The following LHFPL3 variants were observed in gnomAD, a reference collection of about 807,000 sequenced individuals.
The protein encoded by LHFPL3 is LHFPL tetraspan subfamily member 3 protein.
A neutral mutation model predicts 19.3 loss-of-function variants in LHFPL3; 5 were observed. The ratio of observed to expected loss-of-function variants is 0.26; its 90% confidence interval spans 0.14 to 0.54. The LOEUF is 0.54. LHFPL3 is among the 20% of genes least tolerant of loss of function. LHFPL3 has a pLI of 0.94. For synonymous variants in LHFPL3, 133 were observed against 126.2 expected, an observed-to-expected ratio of 1.05 and a Z score of -0.36; for missense variants, 249 against 307.4, an observed-to-expected ratio of 0.81 and a Z score of 1.42.
chr7:104,408,460 T>C (rs1001573663), intron 1 of LHFPL3, among the ~76,000 whole-genome samples: 8 of 152,144 alleles, frequency 5.3e-5, no homozygotes, highest in African/African-American at 1.9e-4. Flanking sequence ...CTATTTGGAA[T>C]AAATTTGACA....
intron 2 of LHFPL3, among the ~76,000 whole-genome samples, chr7:104,878,628 T>C (rs1791991915): frequency 1.3e-5 from 2 of 152,206 alleles, no homozygotes; most frequent in Non-Finnish European, 2.9e-5. Flanking sequence ...TTAATAAGCC[T>C]ACTTAAGTAC....
intron 1 of LHFPL3, among the ~76,000 whole-genome samples, chr7:104,721,484 C>T (rs1793491521): frequency 1.3e-5 from 2 of 152,158 alleles, no homozygotes; most frequent in African/African-American, 4.8e-5. Context: ...CACATGTATA[C>T]CTGTGTATCA....
chr7:104,624,292 G>A (rs190233098), intron 1 of LHFPL3, among the ~76,000 whole-genome samples: 4 of 152,288 alleles, frequency 2.6e-5, no homozygotes, highest in East Asian at 1.9e-4. Context: ...AGTTCTCGGC[G>A]AAGTAGTCAA....
At chr7:104,893,423 A>C (rs112945377) in intron 2 of LHFPL3, among the ~76,000 whole-genome samples, 7,420 of 152,028 alleles carry the variant, frequency 0.049, 586 homozygotes, top group African/African-American at 0.17. Context: ...CTGAAGCAGG[A>C]GAATCGCTTG....
chr7:104,547,892 T>A (rs1234041756), intron 1 of LHFPL3, among the ~76,000 whole-genome samples: 3 of 152,192 alleles, frequency 2.0e-5, no homozygotes, highest in Admixed American at 2.0e-4. Context: ...AGCTATAGTT[T>A]CAAATTTTTA....
intron 2 of LHFPL3, among the ~76,000 whole-genome samples, chr7:104,828,788 AC>A (rs1484429039): frequency 1.3e-5 from 2 of 151,922 alleles, no homozygotes; most frequent in Non-Finnish European, 2.9e-5. Context: ...TAACCCCAGC[AC>A]TTTGGGAGGC....
chr7:104,789,766 A>T (rs1170086230), intron 2 of LHFPL3, among the ~76,000 whole-genome samples: 1 of 152,152 alleles, frequency 6.6e-6, no homozygotes, highest in Non-Finnish European at 1.5e-5. Context: ...ACTGATCATT[A>T]ATATTATCAG....
chr7:104,347,840 C>T (rs1489955582), intron 1 of LHFPL3, among the ~76,000 whole-genome samples: 2 of 151,234 alleles, frequency 1.3e-5, no homozygotes, highest in East Asian at 2.0e-4. Context: ...TGCAGTGAGC[C>T]GAGATCGCCC....
intron 1 of LHFPL3, among the ~76,000 whole-genome samples, chr7:104,625,082 C>T (rs1320503149): frequency 1.3e-5 from 2 of 152,122 alleles, no homozygotes; most frequent in Admixed American, 1.3e-4. Context: ...AGGGTCTTTC[C>T]CACTTCTAAT....
intron 2 of LHFPL3, among the ~76,000 whole-genome samples, chr7:104,858,672 TTTTC>T (rs1283915243): frequency 5.9e-5 from 9 of 152,140 alleles, no homozygotes; most frequent in Non-Finnish European, 1.0e-4. Context: ...ACCTCAAATC[TTTTC>T]TTTATTTTCA....
At chr7:104,437,895 C>G (rs556745934) in intron 1 of LHFPL3, among the ~76,000 whole-genome samples, 2 of 152,266 alleles carry the variant, frequency 1.3e-5, no homozygotes, top group Admixed American at 6.5e-5. Flanking sequence ...TAACTCAATA[C>G]TTAACCTTTC....
chr7:104,390,393 T>C (rs1791041780), intron 1 of LHFPL3, among the ~76,000 whole-genome samples: 1 of 151,010 alleles, frequency 6.6e-6, no homozygotes, highest in African/African-American at 2.4e-5. Flanking sequence ...TGTGTCCAAG[T>C]GTTCTCATTG....
At chr7:104,583,150 G>A (rs1479594327) in intron 1 of LHFPL3, among the ~76,000 whole-genome samples, 1 of 151,740 alleles carries the variant, frequency 6.6e-6, no homozygotes, top group Non-Finnish European at 1.5e-5. Context: ...CCTCAGAAAT[G>A]ATGTCACATA....
chr7:104,520,299 A>G (rs1794030313), intron 1 of LHFPL3, among the ~76,000 whole-genome samples: 1 of 149,914 alleles, frequency 6.7e-6, no homozygotes, highest in Middle Eastern at 3.4e-3. Context: ...GATGAAGCCC[A>G]CTTGATCATG....
intron 2 of LHFPL3, among the ~76,000 whole-genome samples, chr7:104,823,351 G>GT (rs1562803997): frequency 6.6e-6 from 1 of 152,130 alleles, no homozygotes; most frequent in African/African-American, 2.4e-5. Context: ...CCAGGCCTCA[G>GT]TTTTTTCATC....
rs114324677 is a variant in LHFPL3 at position 104,831,938 on chromosome 7, G to A, written c.683-74249G>A. Among the ~76,000 whole-genome samples, 863 of 152,014 alleles carry A rather than the reference G, an allele frequency of 5.7e-3. 22 individuals carry two copies. The highest frequency in any genetic ancestry group is 0.02 in the African/African-American group (828 of 41,332). ...CAATGTCTTAACAATGGAATAAGATGGCATAAGGAAATGCCTGGCATTCAG... is the reference window on the plus strand; with the variant it reads ...CAATGTCTTAACAATGGAATAAGATAGCATAAGGAAATGCCTGGCATTCAG... On this transcript the variant is annotated intron_variant, in intron 2 of 2. Transcript: ENST00000424859.
intron 1 of LHFPL3, among the ~76,000 whole-genome samples, chr7:104,336,947 G>A (rs1188328250): frequency 6.6e-6 from 1 of 152,178 alleles, no homozygotes; most frequent in Non-Finnish European, 1.5e-5. Context: ...TCTATGCCCT[G>A]TTAGAGAACA....
intron 1 of LHFPL3, among the ~76,000 whole-genome samples, chr7:104,337,773 T>G (rs1173535401): frequency 1.3e-5 from 2 of 152,230 alleles, no homozygotes; most frequent in African/African-American, 4.8e-5. Context: ...CAAACTAGAC[T>G]AATTGAATTC....
chr7:104,586,527 C>T (rs556838833), intron 1 of LHFPL3, among the ~76,000 whole-genome samples: 1 of 152,208 alleles, frequency 6.6e-6, no homozygotes, highest in Admixed American at 6.6e-5. Context: ...AGATAACTTT[C>T]AATAAAATAC....
Sources: allele counts gnomAD v4.1 joint callset (sites outside exome capture counted in the v4.1 genomes callset), GRCh38; gene constraint gnomAD v4.1.1; transcripts MANE v1.5; gene names NCBI Gene and HGNC (gene_info 2026-07-23, HGNC 2026-07-21).